Variants in SSH2 observed in about 807,000 individuals in gnomAD.
SSH2 encodes slingshot protein phosphatase 2, also known as protein phosphatase Slingshot homolog 2.
A neutral mutation model predicts 135.2 loss-of-function variants in SSH2; 37 were observed. The ratio of observed to expected loss-of-function variants is 0.27; its 90% CI spans 0.21 to 0.36. The LOEUF (loss-of-function observed/expected upper bound fraction) is 0.36. Ranked by LOEUF, SSH2 falls within the 10% of genes least tolerant of loss-of-function variation. The pLI is 1.00. For synonymous variants in SSH2, 628 were observed against 646.2 expected, an observed-to-expected ratio of 0.97 and a Z score of 0.43; for missense variants, 1,408 against 1,765.3, an observed-to-expected ratio of 0.80 and a Z score of 3.63.
intron 9 of SSH2, among the ~76,000 whole-genome samples, chr17:29,671,109 A>T (rs1158157582): frequency 6.6e-6 from 1 of 152,204 alleles, no homozygotes; most frequent in Non-Finnish European, 1.5e-5. Context: ...ATTAAATTGT[A>T]CTGACAAGGA....
chr17:29,666,813 T>C (rs1598753326), intron 11 of SSH2, 54 bp downstream of exon 11: 14 of 1,545,316 alleles, frequency 9.1e-6, no homozygotes, highest in Non-Finnish European at 1.2e-5. Flanking sequence ...CCCCTGCCCA[T>C]GAGTCCATAT....
intron 1 of SSH2, among the ~76,000 whole-genome samples, chr17:29,853,086 A>ATTTTT (rs35782935): frequency 7.4e-6 from 1 of 134,776 alleles, no homozygotes. Context: ...CACTGCAGAG[A>ATTTTT]TTTTTTTTTT....
chr17:29,898,941 G>T (rs1471111934), intron 1 of SSH2, among the ~76,000 whole-genome samples: 1 of 152,222 alleles, frequency 6.6e-6, no homozygotes, highest in South Asian at 2.1e-4. Context: ...ATGATCAAGT[G>T]GGCTTCATCC....
At chr17:29,907,313 G>A (rs1243083841) in intron 1 of SSH2, among the ~76,000 whole-genome samples, 6 of 152,020 alleles carry the variant, frequency 3.9e-5, no homozygotes, top group African/African-American at 1.2e-4. Context: ...AGAACATGTG[G>A]GACACATGGT....
intron 3 of SSH2, among the ~76,000 whole-genome samples, chr17:29,766,480 A>T (rs572562041): frequency 6.6e-6 from 1 of 152,084 alleles, no homozygotes; most frequent in South Asian, 2.1e-4. Flanking sequence ...AATAATAATA[A>T]AGAAAAAAAT....
intron 1 of SSH2, among the ~76,000 whole-genome samples, chr17:29,852,321 C>A (rs957965113): frequency 1.4e-4 from 22 of 151,930 alleles, no homozygotes; most frequent in Admixed American, 1.1e-3. Flanking sequence ...TGTAACCACA[C>A]TTGCATTCCT....
chr17:29,910,968 C>T (rs1262411469), intron 1 of SSH2, among the ~76,000 whole-genome samples: 4 of 152,052 alleles, frequency 2.6e-5, no homozygotes, highest in African/African-American at 9.7e-5. Flanking sequence ...TGACATTATT[C>T]CCTTGGCCAT....
chr17:29,843,397 A>C (rs2043076908), intron 2 of SSH2, among the ~76,000 whole-genome samples: 1 of 152,092 alleles, frequency 6.6e-6, no homozygotes, highest in African/African-American at 2.4e-5. Context: ...ATTGTTAAAA[A>C]TAAAAAAAAT....
intron 11 of SSH2, among the ~76,000 whole-genome samples, chr17:29,661,572 C>T (rs979187081): frequency 2.0e-5 from 3 of 152,140 alleles, no homozygotes; most frequent in African/African-American, 7.2e-5. Flanking sequence ...CTCTGCTCAA[C>T]CTTAGAAAAC....
intron 2 of SSH2, among the ~76,000 whole-genome samples, chr17:29,847,454 C>T (rs2043151216): frequency 1.3e-5 from 2 of 152,146 alleles, no homozygotes; most frequent in South Asian, 2.1e-4. Flanking sequence ...ACGGTGTCTG[C>T]ATTTTTGTAG....
rs992658144 is a variant in SSH2, at chr17:29,629,199, C to T, written c.*1642G>A. The T allele has an allele frequency of 6.6e-6, 1 of 152,532 alleles. No homozygotes were observed. The highest frequency in any genetic ancestry group is 2.4e-5 in the African/African-American group (1 of 41,454). The allele number at this position is 152,532 out of a possible 1,614,324, so 9.4% of individuals were successfully genotyped here. ...GGCGCTGCTGCGTTAAGGATCTCCA[C>T]AACAGTAGCAAAACGACAGCATCCT... is the stretch of plus-strand genomic sequence containing the variant. On this transcript the variant is annotated 3_prime_UTR_variant, in exon 16 of 16. Coordinates refer to ENST00000540801, the MANE Select transcript of SSH2 (RefSeq NM_001282129.2).
At chr17:29,849,143 T>C (rs555056210) in intron 1 of SSH2, among the ~76,000 whole-genome samples, 34 of 152,282 alleles carry the variant, frequency 2.2e-4, no homozygotes, top group African/African-American at 7.5e-4. Flanking sequence ...TTTCCTATGG[T>C]TTCCCGATTT....
At chr17:29,775,288 C>CTTT (rs556652594) in intron 3 of SSH2, among the ~76,000 whole-genome samples, 2 of 134,154 alleles carry the variant, frequency 1.5e-5, no homozygotes, top group East Asian at 2.1e-4. Context: ...TCCTTCTTTC[C>CTTT]TTTTTTTTTT....
chr17:29,851,814 G>T (rs1421632651), intron 1 of SSH2, among the ~76,000 whole-genome samples: 1 of 151,826 alleles, frequency 6.6e-6, no homozygotes, highest in African/African-American at 2.4e-5. Flanking sequence ...CTTCAAGTGA[G>T]CCATAATTGT....
intron 14 of SSH2, among the ~76,000 whole-genome samples, chr17:29,646,677 TTTA>T (rs2036382328): frequency 6.6e-6 from 1 of 151,780 alleles, no homozygotes; most frequent in Non-Finnish European, 1.5e-5. Flanking sequence ...TTTTTATAGT[TTTA>T]ATAGAGATGG....
At position 29,867,008 on chromosome 17, in the gene SSH2, A is replaced by AT. The variant is rs779818763; in HGVS notation, c.64-18080dup. ...GCCACCACGCCCAGCTAATTTTTTG[A>AT]TTTTTTTTTTTTTGGTAGAAATGGG... On this transcript the variant is annotated intron_variant, in intron 1 of 15. Coordinates refer to ENST00000540801, the MANE Select transcript of SSH2 (RefSeq NM_001282129.2). Among the ~76,000 whole-genome samples the AT allele has an allele frequency of 5.0e-3, 695 of 138,260 alleles. 3 individuals are homozygous for AT. Among genetic ancestry groups the AT allele is most frequent in the African/African-American group, 7.3e-3 (274 of 37,702 alleles). 90.7% of individuals were successfully genotyped at this position (138,260 alleles called of 152,430 possible). A position where few individuals can be genotyped will look rare whatever the true frequency, so the allele number is the denominator to read the frequency against.
rs368536769 is a variant in SSH2 at position 29,745,782 on chromosome 17, G to A, written c.189-42720C>T. On this transcript the variant is annotated intron_variant, in intron 3 of 15. Transcript: ENST00000540801. Reference sequence around the variant, plus strand: ...GAGCAAAAATTTAAGCTACCATATCGTATTTAATCCTCATAGGTATTATAA... The same window carrying A: ...GAGCAAAAATTTAAGCTACCATATCATATTTAATCCTCATAGGTATTATAA... Among the ~76,000 whole-genome samples, 102 of 152,130 alleles carry A rather than the reference G, an allele frequency of 6.7e-4. 3 individuals are homozygous for A. In the East Asian group the frequency reaches 0.017, roughly 25 times the overall value.
At chr17:29,891,017 G>A (rs1248880950) in intron 1 of SSH2, among the ~76,000 whole-genome samples, 1 of 152,132 alleles carries the variant, frequency 6.6e-6, no homozygotes, top group Admixed American at 6.5e-5. Context: ...GCCTCCCAAA[G>A]TGCTGGGATT....
At chr17:29,722,695 T>C (rs1331778723) in intron 3 of SSH2, among the ~76,000 whole-genome samples, 1 of 152,244 alleles carries the variant, frequency 6.6e-6, no homozygotes, top group Non-Finnish European at 1.5e-5. Context: ...TATGTTATTA[T>C]ACTGTGTTTT....
Sources: gnomAD v4.1 joint callset for allele counts (sites outside exome capture counted in the v4.1 genomes callset) on GRCh38, gnomAD v4.1.1 for gene constraint, MANE v1.5 for transcripts, NCBI Gene and HGNC (gene_info 2026-07-23, HGNC 2026-07-21) for gene names.